The following PDE4C variants were observed in gnomAD, a reference collection of about 807,000 sequenced individuals.
The protein encoded by PDE4C is phosphodiesterase 4C.
Under a neutral mutation model 63.9 loss-of-function variants are expected in PDE4C, and 50 were observed. That is an observed-to-expected ratio of 0.78 (90% CI 0.62 to 0.99). The LOEUF (loss-of-function observed/expected upper bound fraction) is 0.99, where lower values mean the gene tolerates loss of function less well. Among genes scored for constraint, PDE4C ranks in the 50% least tolerant of loss-of-function variants. The pLI is 0.00. For synonymous variants in PDE4C, 377 were observed against 385.1 expected (o/e 0.98, Z 0.25); for missense variants, 777 against 899.1 (o/e 0.86, Z 1.74).
intron 13 of PDE4C, 122 bp downstream of exon 13, chr19:18,213,246 T>C (rs1306835603): frequency 2.4e-6 from 2 of 830,318 alleles, no homozygotes; most frequent in East Asian, 4.1e-5. Flanking sequence ...ATGGCGCCAC[T>C]GCACTCCAGC....
At chr19:18,249,029 A>T (rs1053524208), upstream of PDE4C, among the ~76,000 whole-genome samples, 9 of 20,052 alleles carry the variant, frequency 4.5e-4, no homozygotes, top group African/African-American at 2.5e-3. Context: ...CCATCTTATT[A>T]AAAAAAAAAA....
At chr19:18,208,576 G>A (rs563815355), downstream of PDE4C, 1 of 151,690 alleles carries the variant, frequency 6.6e-6, no homozygotes, top group Non-Finnish European at 1.5e-5. Context: ...ACTTTGAGCT[G>A]GCAAGAGGAC....
chr19:18,232,980 C>G, exon 1 of PDE4C: 1 of 1,494,324 alleles, frequency 6.7e-7, no homozygotes, highest in South Asian at 1.3e-5. Context: ...CCAGGAGAGC[C>G]GCGACTTCCT....
intron 1 of PDE4C, among the ~76,000 whole-genome samples, chr19:18,222,786 A>G (rs1159499857): frequency 7.2e-6 from 1 of 138,978 alleles, no homozygotes; most frequent in Non-Finnish European, 1.5e-5. Flanking sequence ...TGCAGCCTCA[A>G]TCTCCTAAGC....
upstream of PDE4C, among the ~76,000 whole-genome samples, chr19:18,238,417 T>A (rs79420679): frequency 0.059 from 9,007 of 151,696 alleles, 396 homozygotes; most frequent in East Asian, 0.21. Context: ...TTGGTATTTT[T>A]AGTAGAGAGG....
chr19:18,248,290 C>T (rs1969168391), upstream of PDE4C: 1 of 449,612 alleles, frequency 2.2e-6, no homozygotes, highest in Admixed American at 2.4e-5. Flanking sequence ...CAGCGGAGCC[C>T]CTTAACTGTC....
chr19:18,215,667 A>T (rs992057179), intron 12 of PDE4C, among the ~76,000 whole-genome samples: 11 of 151,470 alleles, frequency 7.3e-5, no homozygotes, highest in Non-Finnish European at 1.5e-4. Flanking sequence ...GGTGCATGCC[A>T]CCACACCCAG....
In PDE4C at chr19:18,244,487, TTTGTTG is replaced by T. The variant is rs574256873; in HGVS notation, c.-210+3678_-210+3683del. Among the ~76,000 whole-genome samples the T allele has an allele frequency of 6.6e-5, 10 of 151,214 alleles. No homozygotes were observed. The East Asian group carries it at 1.2e-3, about 18-fold the overall frequency. On this transcript the variant is annotated intron_variant, in intron 1 of 15. Coordinates refer to the PDE4C transcript ENST00000594617. ...GAGCTCCCTTTTGTTGTTGTTGGGT[TTTGTTG>T]TTGTTGTTGTTGTTGTTTGTTTTGG...
upstream of PDE4C, among the ~76,000 whole-genome samples, chr19:18,231,106 GC>G (rs1482845988): frequency 1.3e-5 from 2 of 152,232 alleles, no homozygotes; most frequent in East Asian, 3.9e-4. Flanking sequence ...ACCACGGCTT[GC>G]TCAATACCAC....
chr19:18,224,650 C>A lies in PDE4C; in HGVS notation c.146+1620G>T, dbSNP rs368799205. Among the ~76,000 whole-genome samples the A allele has an allele frequency of 3.2e-4, 49 of 152,350 alleles. No homozygotes were observed. In the East Asian group the frequency reaches 3.7e-3, roughly 11 times the overall value. ...AGTCCGGGTGACGCTCGGGCCGGGT[C>A]GGGCATGTTCGGTCACGTCCGGCTA... is the stretch of plus-strand genomic sequence containing the variant. On this transcript the variant is annotated intron_variant, in intron 1 of 14. Coordinates refer to ENST00000262805, the Ensembl canonical transcript of PDE4C.
intron 13 of PDE4C, 68 bp downstream of exon 13, chr19:18,213,300 C>CATAA (rs921061605): frequency 1.6e-5 from 22 of 1,353,428 alleles, no homozygotes; most frequent in Admixed American, 5.2e-5. Context: ...TAAATAAATA[C>CATAA]ATAAATAAAT....
In PDE4C at chr19:18,232,800, C is replaced by G. The variant is rs1464709496; in HGVS notation, c.242+150G>C. 3.2e-5 allele frequency: 31 copies of G among 958,558 alleles called. No individual in the cohort carries two copies. The South Asian group carries it at 6.0e-4, about 18-fold the overall frequency. The allele number at this position is 958,558 out of a possible 1,614,324, so 59.4% of individuals were successfully genotyped here. On this transcript the variant is annotated intron_variant, in intron 1 of 14. Transcript: ENST00000594465. ...ACCAGCACCCTCAGCTCCACCCCTACGTAGAAATAGCTTTTTCCTTCCAGG... is the reference window on the plus strand; with the variant it reads ...ACCAGCACCCTCAGCTCCACCCCTAGGTAGAAATAGCTTTTTCCTTCCAGG...
intron 12 of PDE4C, among the ~76,000 whole-genome samples, chr19:18,216,086 C>A (rs1258609264): frequency 2.0e-5 from 3 of 151,566 alleles, no homozygotes; most frequent in African/African-American, 7.3e-5. Flanking sequence ...CCGCCTCAGC[C>A]TCCCAAAGTG....
chr19:18,227,893 A>G (rs757430507), upstream of PDE4C, among the ~76,000 whole-genome samples: 1 of 152,178 alleles, frequency 6.6e-6, no homozygotes, highest in South Asian at 2.1e-4. Context: ...GGCCAGATAC[A>G]TGAGAGTCTC....
At position 18,221,102 on chromosome 19, in the gene PDE4C, T is replaced by TAA. The variant is rs1240227384; in HGVS notation, c.449+2_449+3insTT. ...CCCCCGCCCCGCCCCGCCCTCTACC[T>TAA]ACTTGGCTGCTCCTAGGCATTGCTG... On this transcript the variant is annotated splice_region_variant and intron_variant, in intron 4 of 14. Coordinates refer to ENST00000262805, the Ensembl canonical transcript of PDE4C. The TAA allele has an allele frequency of 2.5e-6, 2 of 788,736 alleles. No homozygotes were observed. The highest frequency in any genetic ancestry group is 8.5e-5 in the East Asian group (2 of 23,592). 48.9% of individuals were successfully genotyped at this position (788,736 alleles called of 1,614,324 possible).
exon 15 of PDE4C, chr19:18,210,991 G>A: frequency 1.2e-6 from 2 of 1,614,222 alleles, no homozygotes; most frequent in South Asian, 2.2e-5. Context: ...GGGGACAGGA[G>A]TTCAGTGTCA....
chr19:18,210,387 G>C (rs1967871211), downstream of PDE4C: 1 of 152,320 alleles, frequency 6.6e-6, no homozygotes, highest in African/African-American at 2.4e-5. Flanking sequence ...CTGGGTATGA[G>C]TGAAGCTTTG....
chr19:18,216,659 C>T, intron 12 of PDE4C, 82 bp downstream of exon 12: 1 of 1,380,982 alleles, frequency 7.2e-7, no homozygotes, highest in Non-Finnish European at 9.8e-7. Flanking sequence ...ATGCCAATAT[C>T]ACCCCACCCT....
At chr19:18,227,472 C>T (rs1968764461), upstream of PDE4C, among the ~76,000 whole-genome samples, 1 of 152,196 alleles carries the variant, frequency 6.6e-6, no homozygotes, top group Admixed American at 6.5e-5. Flanking sequence ...GAAACCTCAG[C>T]CGCCCACCCC....
Sources: gnomAD v4.1 joint callset for allele counts (sites outside exome capture counted in the v4.1 genomes callset) on GRCh38, gnomAD v4.1.1 for gene constraint, MANE v1.5 for transcripts, NCBI Gene and HGNC (gene_info 2026-07-23, HGNC 2026-07-21) for gene names.